Variants in RBM47 observed in about 807,000 individuals in gnomAD.
The protein encoded by RBM47 is RNA-binding protein 47.
In RBM47, 21 loss-of-function variants were observed where a neutral mutation model predicts 47.1. That is an observed-to-expected ratio of 0.45 (90% CI 0.32 to 0.64). The LOEUF is 0.64. Among genes scored for constraint, RBM47 ranks in the 30% least tolerant of loss-of-function variants. The pLI, the probability that RBM47 is intolerant of heterozygous loss-of-function variation, is 0.05. For synonymous variants in RBM47, 375 were observed against 361.7 expected (o/e 1.04, Z -0.42); for missense variants, 708 against 870.9 (o/e 0.81, Z 2.35).
chr4:40,457,575 T>C (rs1002267398), intron 3 of RBM47, among the ~76,000 whole-genome samples: 2 of 152,036 alleles, frequency 1.3e-5, no homozygotes, highest in African/African-American at 4.8e-5. Flanking sequence ...GGATTACAGG[T>C]GCATACCACC....
At chr4:40,526,789 CTTTTTTTTTTTTTT>C (rs540484622) in intron 2 of RBM47, among the ~76,000 whole-genome samples, 7 of 61,624 alleles carry the variant, frequency 1.1e-4, no homozygotes, top group East Asian at 5.6e-4. Flanking sequence ...CAGTTTGGTT[CTTTTTTTTTTTTTT>C]TTTTTTTTTT....
Position 40,500,945 on chromosome 4 carries a change from T to G in RBM47, c.-154-34246A>C, listed in dbSNP as rs567848406. Reference sequence around the variant, plus strand: ...CGTCTCTTACTCAGGTTTCACTTGTTTCTGAATTTCAAATTCTAAGGTTTG... The same window carrying G: ...CGTCTCTTACTCAGGTTTCACTTGTGTCTGAATTTCAAATTCTAAGGTTTG... On this transcript the variant is annotated intron_variant, in intron 2 of 6. Transcript: ENST00000295971. Among the ~76,000 whole-genome samples the G allele has an allele frequency of 6.2e-4, 95 of 152,270 alleles. 1 individual carries two copies. Among genetic ancestry groups the G allele is most frequent in the Middle Eastern group, 6.8e-3 (2 of 294 alleles).
Position 40,438,063 on chromosome 4 carries a change from G to A in RBM47, c.831C>T (p.Val277=), listed in dbSNP as rs777342085. 13 of 1,613,814 alleles carry A rather than the reference G, an allele frequency of 8.1e-6. No homozygotes were observed. The Admixed American group carries it at 2.2e-4, about 27-fold the overall frequency. ...GQFNPGCVER[V]KKIRDYAFVH... is the part of the protein sequence containing the mutation. Reference sequence around the variant, plus strand: ...CGAAGGCGTAGTCGCGGATCTTCTTGACGCGCTCCACGCAGCCGGGGTTGA... The same window carrying A: ...CGAAGGCGTAGTCGCGGATCTTCTTAACGCGCTCCACGCAGCCGGGGTTGA... The change falls in exon 4 of 7, where the codon GTC becomes GTT. Residue 277 remains valine (V), a synonymous_variant. Transcript: ENST00000295971.
chr4:40,518,152 T>TCTTTC, intron 2 of RBM47, among the ~76,000 whole-genome samples: 1 of 138,764 alleles, frequency 7.2e-6, no homozygotes, highest in African/African-American at 2.7e-5. Flanking sequence ...TTGTTTCTTT[T>TCTTTC]CTTTTCTTTT....
chr4:40,486,490 C>A (rs1721106690), intron 2 of RBM47, among the ~76,000 whole-genome samples: 1 of 152,194 alleles, frequency 6.6e-6, no homozygotes, highest in African/African-American at 2.4e-5. Context: ...GTGAGTCCTA[C>A]TATATCAGCA....
intron 1 of RBM47, among the ~76,000 whole-genome samples, chr4:40,565,243 T>TTAA (rs1291373954): frequency 6.6e-6 from 1 of 152,206 alleles, no homozygotes; most frequent in Non-Finnish European, 1.5e-5. Context: ...CCCAGTGATG[T>TTAA]TAAGCAGTAC....
intron 2 of RBM47, among the ~76,000 whole-genome samples, chr4:40,534,142 T>C (rs941709654): frequency 6.6e-6 from 1 of 151,770 alleles, no homozygotes; most frequent in African/African-American, 2.4e-5. Flanking sequence ...TAATTTATTT[T>C]TTTTTTAGAG....
chr4:40,584,807 T>C (rs1733377803), intron 1 of RBM47, among the ~76,000 whole-genome samples: 1 of 152,212 alleles, frequency 6.6e-6, no homozygotes, highest in Non-Finnish European at 1.5e-5. Context: ...GCCAGCCACA[T>C]TTCAAGAGCC....
intron 2 of RBM47, among the ~76,000 whole-genome samples, chr4:40,540,570 C>T (rs1257634412): frequency 6.7e-6 from 1 of 148,608 alleles, no homozygotes; most frequent in Non-Finnish European, 1.5e-5. Flanking sequence ...AGCCAGGAGG[C>T]GGAGGTTGCA....
chr4:40,439,360 G>A (rs1474537635), intron 3 of RBM47, among the ~76,000 whole-genome samples: 1 of 152,062 alleles, frequency 6.6e-6, no homozygotes, highest in Non-Finnish European at 1.5e-5. Context: ...TTTTAAGGGA[G>A]TCTTTTTAAT....
intron 2 of RBM47, among the ~76,000 whole-genome samples, chr4:40,476,583 G>A (rs1412935295): frequency 1.3e-5 from 2 of 152,042 alleles, no homozygotes; most frequent in African/African-American, 4.8e-5. Context: ...CAGATCAGGA[G>A]GACCTGAGGC....
Position 40,423,713 on chromosome 4 carries a change from T to TTTCTTTC in RBM47, c.*2190_*2191insGAAAGAA, listed in dbSNP as rs200814411. ...CTTTCTTTCTTTCTTTCTTTCTTTC[T>TTTCTTTC]TTTCTTTCTTTTCTTTCTTCCTCTT... On this transcript the variant is annotated 3_prime_UTR_variant, in exon 7 of 7. Coordinates refer to ENST00000295971, the MANE Select transcript of RBM47 (RefSeq NM_001098634.2). 7.7e-5 allele frequency: 6 copies of TTTCTTTC among 78,222 alleles called. No individual in the cohort carries two copies. The highest frequency in any genetic ancestry group is 8.9e-5 in the African/African-American group (1 of 11,226). The allele number at this position is 78,222 out of a possible 1,614,324, so 4.8% of individuals were successfully genotyped here.
intron 1 of RBM47, among the ~76,000 whole-genome samples, chr4:40,609,389 G>A (rs1194729425): frequency 1.3e-5 from 2 of 150,352 alleles, no homozygotes; most frequent in African/African-American, 2.5e-5. Flanking sequence ...CTTGGCTCAC[G>A]GTAACCTCCG....
At chr4:40,513,240 C>T (rs904644617) in intron 2 of RBM47, among the ~76,000 whole-genome samples, 4 of 152,236 alleles carry the variant, frequency 2.6e-5, no homozygotes, top group African/African-American at 9.6e-5. Context: ...TGGCTTCTTA[C>T]TGCAAGCGTC....
chr4:40,446,842 A>G lies in RBM47; in HGVS notation c.-31-7918T>C, dbSNP rs1324479805. Among the ~76,000 whole-genome samples the G allele has an allele frequency of 2.0e-5, 3 of 152,032 alleles. No individual in the cohort carries two copies. The East Asian group carries it at 5.8e-4, about 29-fold the overall frequency. On this transcript the variant is annotated intron_variant, in intron 3 of 6. Transcript: ENST00000295971. ...CCATGTAGGATTCTGTGTTTATGGG[A>G]AAACAGGCAAGAGGTTATCCCAGCC...
chr4:40,458,448 G>A (rs755435761), intron 3 of RBM47, among the ~76,000 whole-genome samples: 17 of 152,154 alleles, frequency 1.1e-4, no homozygotes, highest in Non-Finnish European at 2.1e-4. Context: ...TAGTAGAATA[G>A]CATTCGCCCA....
intron 2 of RBM47, among the ~76,000 whole-genome samples, chr4:40,490,214 G>A (rs1221407167): frequency 3.3e-5 from 5 of 152,000 alleles, no homozygotes; most frequent in Non-Finnish European, 7.4e-5. Context: ...ATGAAGAACA[G>A]CAACAAGGAT....
chr4:40,565,314 C>T (rs532292150), intron 1 of RBM47, among the ~76,000 whole-genome samples: 1 of 152,184 alleles, frequency 6.6e-6, no homozygotes, highest in South Asian at 2.1e-4. Flanking sequence ...CTCAAGGGCA[C>T]CAACATGCAT....
rs189357172 is a variant in RBM47, at chr4:40,610,660, A to G, written c.-240+18736T>C. ...CAGGACCAAGCACATAACACATGCT[A>G]TGTGACATGGTTTGGCTGTGTTCCC... On this transcript the variant is annotated intron_variant, in intron 1 of 6. Transcript: ENST00000295971. Among the ~76,000 whole-genome samples the G allele has an allele frequency of 9.0e-4, 137 of 151,440 alleles. 1 individual carries two copies. Among genetic ancestry groups the G allele is most frequent in the Non-Finnish European group, 1.2e-4 (8 of 67,910 alleles).
Sources: gnomAD v4.1 joint callset for allele counts (sites outside exome capture counted in the v4.1 genomes callset) on GRCh38, gnomAD v4.1.1 for gene constraint, MANE v1.5 for transcripts, NCBI Gene and HGNC (gene_info 2026-07-23, HGNC 2026-07-21) for gene names.